Variants in CAPN8 observed in about 807,000 individuals in gnomAD.
CAPN8 encodes calpain 8, also known as calpain-8.
In CAPN8, 87 loss-of-function variants were observed where a neutral mutation model predicts 80.9. The observed-to-expected ratio is 1.07, with a 90% confidence interval of 0.90 to 1.28. The LOEUF is 1.28. Among genes scored for constraint, CAPN8 ranks in the 50% most tolerant of loss-of-function variants. CAPN8 has a pLI of 0.00. For missense variants in CAPN8, 757 were observed against 702.0 expected, an observed-to-expected ratio of 1.08 and a Z score of -0.89; for synonymous variants, 299 against 273.8, an observed-to-expected ratio of 1.09 and a Z score of -0.91.
chr1:223,647,662 T>A (rs189058670), intron 2 of CAPN8, among the ~76,000 whole-genome samples: 5 of 152,122 alleles, frequency 3.3e-5, no homozygotes, highest in African/African-American at 1.2e-4. Flanking sequence ...AAACCTCGAA[T>A]TGATCGACAC....
chr1:223,656,196 C>T (rs945901171), intron 1 of CAPN8, among the ~76,000 whole-genome samples: 2 of 151,774 alleles, frequency 1.3e-5, no homozygotes, highest in Non-Finnish European at 2.9e-5. Flanking sequence ...TTGCTGGGTG[C>T]GGTGGCTCAC....
At position 223,656,777 on chromosome 1, in the gene CAPN8, G is replaced by A. The variant is rs1488630601; in HGVS notation, c.238-2378C>T. 6.2e-5 allele frequency among the ~76,000 whole-genome samples: 9 copies of A among 145,388 alleles called. 1 individual carries two copies. The highest frequency in any genetic ancestry group is 1.8e-4 in the African/African-American group (7 of 38,610). ...CGGCTCACTGCAAGCTCCGCCTCCC[G>A]GGTTCACGCCCTTCTCCTGCCTCAG... On this transcript the variant is annotated intron_variant, in intron 1 of 20. Transcript: ENST00000366872.
At chr1:223,639,865 G>T (rs1658002524) in intron 2 of CAPN8, among the ~76,000 whole-genome samples, 2 of 152,214 alleles carry the variant, frequency 1.3e-5, no homozygotes, top group Non-Finnish European at 1.5e-5. Context: ...ACCCCCCAAG[G>T]CCAGGCAGTG....
At chr1:223,610,061 G>C (rs1408903917) in intron 11 of CAPN8, among the ~76,000 whole-genome samples, 2 of 152,264 alleles carry the variant, frequency 1.3e-5, no homozygotes, top group African/African-American at 4.8e-5. Context: ...AGTGACTGCA[G>C]AGTGCTTCCA....
intron 9 of CAPN8, 139 bp downstream of exon 9, chr1:223,619,154 A>G: frequency 1.0e-6 from 1 of 997,636 alleles, no homozygotes; most frequent in Non-Finnish European, 1.4e-6. Flanking sequence ...AGATCGTGCC[A>G]CTACACTCCA....
At chr1:223,655,750 G>GC (rs1159436610) in intron 1 of CAPN8, among the ~76,000 whole-genome samples, 1 of 152,166 alleles carries the variant, frequency 6.6e-6, no homozygotes, top group Non-Finnish European at 1.5e-5. Flanking sequence ...CATTAGAAAG[G>GC]TAGGATGCAG....
chr1:223,665,672 G>T lies in CAPN8; in HGVS notation c.-26C>A. 1 of 1,532,526 alleles carries T rather than the reference G, an allele frequency of 6.5e-7. No individual in the cohort carries two copies. The highest frequency in any genetic ancestry group is 8.8e-7 in the Non-Finnish European group (1 of 1,130,868). The allele number at this position is 1,532,526 out of a possible 1,614,324, so 94.9% of individuals were successfully genotyped here. ...GGCCGTGGGCTCTGTAGGGTGGACAGAAGGGCAGGGCTGCACTGTACTCTC... is the reference window on the plus strand; with the variant it reads ...GGCCGTGGGCTCTGTAGGGTGGACATAAGGGCAGGGCTGCACTGTACTCTC... On this transcript the variant is annotated 5_prime_UTR_variant, in exon 1 of 21. The change creates a new upstream start codon in the 5' untranslated region. Transcript: ENST00000366872.
intron 2 of CAPN8, chr1:223,644,450 A>G (rs763008197): frequency 6.1e-6 from 1 of 164,916 alleles, no homozygotes; most frequent in African/African-American, 2.4e-5. Context: ...TTCTCTCTCT[A>G]CTTATTCTAC....
rs558448317 is a variant in CAPN8, at chr1:223,544,079, C to T, written c.2017G>A (p.Glu673Lys). The change falls in exon 19 of 21, where the codon GAG becomes AAG. Residue 673 changes from glutamate to lysine, a missense_variant. By Grantham distance (56) the Glu-to-Lys change is moderately conservative. Coordinates refer to ENST00000366872, the MANE Select transcript of CAPN8 (RefSeq NM_001143962.2). ...DSFVACMIRL[E>K]TLFKLFSLLD... ...CAGAGTGACTCACTGAAGAGGGTCT[C>T]CAGGCGGATCATACAAGCCACGAAG... 1 of 718,154 alleles carries T rather than the reference C, an allele frequency of 1.4e-6. No homozygotes were observed. Among genetic ancestry groups the T allele is most frequent in the African/African-American group, 1.7e-5 (1 of 57,388 alleles). 44.5% of individuals were successfully genotyped at this position (718,154 alleles called of 1,614,324 possible). A position where few individuals can be genotyped will look rare whatever the true frequency, so the allele number is the denominator to read the frequency against.
intron 14 of CAPN8, among the ~76,000 whole-genome samples, chr1:223,551,760 T>C (rs1183235390): frequency 6.6e-6 from 1 of 152,244 alleles, no homozygotes; most frequent in Non-Finnish European, 1.5e-5. Flanking sequence ...ACTGTATACA[T>C]GCAACATCAT....
intron 13 of CAPN8, among the ~76,000 whole-genome samples, chr1:223,557,028 G>A (rs951290600): frequency 6.6e-6 from 1 of 152,120 alleles, no homozygotes; most frequent in African/African-American, 2.4e-5. Context: ...CCACCAACTC[G>A]AGGCAGGGGG....
At chr1:223,630,059 T>C (rs1657727642) in intron 2 of CAPN8, among the ~76,000 whole-genome samples, 1 of 152,134 alleles carries the variant, frequency 6.6e-6, no homozygotes, top group South Asian at 2.1e-4. Flanking sequence ...CATTATGGTT[T>C]TCTCAGAAAA....
chr1:223,626,628 A>G (rs1437539568), intron 5 of CAPN8, among the ~76,000 whole-genome samples: 3 of 152,098 alleles, frequency 2.0e-5, no homozygotes, highest in Non-Finnish European at 4.4e-5. Context: ...CAATCATCAC[A>G]TTTGTTTTCC....
chr1:223,544,896 C>G (rs1173364854), intron 17 of CAPN8, 46 bp from the exon 18 acceptor site: 1 of 1,550,666 alleles, frequency 6.4e-7, no homozygotes, highest in African/African-American at 1.4e-5. Flanking sequence ...CATTCACGGC[C>G]CCTGCCAGAA....
intron 10 of CAPN8, among the ~76,000 whole-genome samples, chr1:223,615,263 G>A (rs758419184): frequency 6.6e-6 from 1 of 152,146 alleles, no homozygotes; most frequent in South Asian, 2.1e-4. Context: ...CATGAGCCCC[G>A]CTGGAATTTG....
chr1:223,556,945 G>A (rs1321570404), intron 13 of CAPN8, among the ~76,000 whole-genome samples: 1 of 152,090 alleles, frequency 6.6e-6, no homozygotes, highest in African/African-American at 2.4e-5. Flanking sequence ...GCGAGGGGTA[G>A]GAGGGAAAAT....
intron 2 of CAPN8, among the ~76,000 whole-genome samples, chr1:223,652,789 G>A (rs1203611133): frequency 1.3e-5 from 2 of 151,980 alleles, no homozygotes; most frequent in Admixed American, 6.6e-5. Context: ...TGGGCTCCCC[G>A]GGGCAGCCAC....
chr1:223,541,752 A>G lies in CAPN8; in HGVS notation c.*84T>C. Reference sequence around the variant, plus strand: ...AACAACCAGTGAATGCCACTGGAGCATAAATGTTCACAAAATTGTAGAGAA... The same window carrying G: ...AACAACCAGTGAATGCCACTGGAGCGTAAATGTTCACAAAATTGTAGAGAA... On this transcript the variant is annotated 3_prime_UTR_variant, in exon 21 of 21. Coordinates refer to ENST00000366872, the MANE Select transcript of CAPN8 (RefSeq NM_001143962.2). 1 of 1,547,670 alleles carries G rather than the reference A, an allele frequency of 6.5e-7. No individual in the cohort carries two copies. The highest frequency in any genetic ancestry group is 8.7e-7 in the Non-Finnish European group (1 of 1,143,806).
chr1:223,629,255 C>T (rs1033293369), intron 2 of CAPN8, among the ~76,000 whole-genome samples: 2 of 132,360 alleles, frequency 1.5e-5, no homozygotes, highest in Admixed American at 8.0e-5. Context: ...CCCTCCTGAC[C>T]TTGGATAATG....
Sources: gnomAD v4.1 joint callset for allele counts (sites outside exome capture counted in the v4.1 genomes callset) on GRCh38, gnomAD v4.1.1 for gene constraint, MANE v1.5 for transcripts, NCBI Gene and HGNC (gene_info 2026-07-23, HGNC 2026-07-21) for gene names.